PIGX: variants seen among roughly 807,000 people sequenced by gnomAD.
PIGX encodes phosphatidylinositol glycan anchor biosynthesis class X, also known as GPI alpha-1,4-mannosyltransferase I, stabilizing subunit.
Under a neutral mutation model 28.7 loss-of-function variants are expected in PIGX, and 24 were observed. The observed-to-expected ratio is 0.84, with a 90% CI of 0.60 to 1.17. PIGX has a LOEUF of 1.17. PIGX is among the 50% of genes most tolerant of loss of function. The pLI is 0.00. For synonymous variants in PIGX, 127 were observed against 121.0 expected, an observed-to-expected ratio of 1.05 and a Z score of -0.33; for missense variants, 305 against 317.8, an observed-to-expected ratio of 0.96 and a Z score of 0.31.
chr3:196,732,934 G>A (rs1712872153), intron 5 of PIGX, among the ~76,000 whole-genome samples: 1 of 152,154 alleles, frequency 6.6e-6, no homozygotes, highest in Non-Finnish European at 1.5e-5. Context: ...CATAGTAAAG[G>A]CCACATCCAG....
Position 196,734,734 on chromosome 3 carries a change from T to C in PIGX, c.*832T>C, listed in dbSNP as rs541104461. ...AAAATTATTGATAATCTTAAATTAT[T>C]GATTATTCCTTAACGCACTCCATTC... is the stretch of plus-strand genomic sequence containing the variant. On this transcript the variant is annotated 3_prime_UTR_variant, in exon 6 of 6. Coordinates refer to ENST00000392391, the MANE Select transcript of PIGX (RefSeq NM_017861.4). 3 of 152,312 alleles carry C rather than the reference T, an allele frequency of 2.0e-5. No homozygotes were observed. Among genetic ancestry groups the C allele is most frequent in the African/African-American group, 7.2e-5 (3 of 41,560 alleles). The allele number at this position is 152,312 out of a possible 1,614,324, so 9.4% of individuals were successfully genotyped here.
In PIGX at chr3:196,722,464, A is replaced by C. The variant is rs1577673955; in HGVS notation, c.226A>C (p.Thr76Pro). 1 of 1,612,296 alleles carries C rather than the reference A, an allele frequency of 6.2e-7. No individual in the cohort carries two copies. Among genetic ancestry groups the C allele is most frequent in the Non-Finnish European group, 8.5e-7 (1 of 1,178,348 alleles). Residue 76 changes from threonine (T) to proline (P), a missense_variant, in exon 3 of 6, where the codon ACC (threonine) becomes CCC (proline). Thr to Pro is a conservative substitution (Grantham distance 38). Coordinates refer to ENST00000392391, the MANE Select transcript of PIGX (RefSeq NM_017861.4). ...TGGGGAAAGCATTGAGGACTTGCAC[A>C]CCTGCCGTCTCTTAATTAAACAGGA...
At chr3:196,715,472 A>G (rs1370396281) in intron 1 of PIGX, among the ~76,000 whole-genome samples, 1 of 152,212 alleles carries the variant, frequency 6.6e-6, no homozygotes, top group Non-Finnish European at 1.5e-5. Context: ...GAAAGTTAAA[A>G]CACATATGAA....
intron 2 of PIGX, among the ~76,000 whole-genome samples, chr3:196,720,819 A>T (rs6796934): frequency 0.031 from 4,692 of 151,952 alleles, 167 homozygotes; most frequent in Admixed American, 0.096. Context: ...GCAGTGACAA[A>T]TTCTCTTAGT....
At position 196,734,051 on chromosome 3, in the gene PIGX, A is replaced by G; in HGVS notation, c.*149A>G. The G allele has an allele frequency of 1.7e-6, 1 of 595,406 alleles. No individual in the cohort carries two copies. Among genetic ancestry groups the G allele is most frequent in the East Asian group, 2.8e-5 (1 of 35,952 alleles). The allele number at this position is 595,406 out of a possible 1,614,324, so 36.9% of individuals were successfully genotyped here. On this transcript the variant is annotated 3_prime_UTR_variant, in exon 6 of 6. Coordinates refer to ENST00000392391, the MANE Select transcript of PIGX (RefSeq NM_017861.4). ...CTAGAGGAAATTTGGGATCATTCTC[A>G]GCTAATTCCAAAATGTAGTGCTCTA...
rs1249297647 is a variant in PIGX at position 196,732,241 on chromosome 3, TATA to T, written c.633+1150_633+1152del. Among the ~76,000 whole-genome samples, 55 of 64,816 alleles carry T rather than the reference TATA, an allele frequency of 8.5e-4. 11 individuals carry two copies. The highest frequency in any genetic ancestry group is 3.3e-3 in the African/African-American group (50 of 14,926). 42.5% of individuals were successfully genotyped at this position (64,816 alleles called of 152,430 possible). Reference sequence around the variant, plus strand: ...TTATATATATATATATATATATATATATATATATATATATATTTTATTTTATTT... The same window carrying T: ...TTATATATATATATATATATATATATTATATATATATATTTTATTTTATTT... On this transcript the variant is annotated intron_variant, in intron 5 of 5. Coordinates refer to ENST00000392391, the MANE Select transcript of PIGX (RefSeq NM_017861.4).
At position 196,716,848 on chromosome 3, in the gene PIGX, G is replaced by C; in HGVS notation, c.113-10G>C. 1 of 1,536,140 alleles carries C rather than the reference G, an allele frequency of 6.5e-7. No individual in the cohort carries two copies. Among genetic ancestry groups the C allele is most frequent in the East Asian group, 2.3e-5 (1 of 43,146 alleles). On this transcript the variant is annotated splice_polypyrimidine_tract_variant and intron_variant, in intron 1 of 5. Coordinates refer to ENST00000392391, the MANE Select transcript of PIGX (RefSeq NM_017861.4). ...TTTGTTTTTAAAAAAAAATCGTTTG[G>C]TTCTTATAGGCATAAGGGCCATGTG...
At chr3:196,732,216 T>TATATATATATA (rs1553797075) in intron 5 of PIGX, among the ~76,000 whole-genome samples, 2 of 51,378 alleles carry the variant, frequency 3.9e-5, no homozygotes, top group African/African-American at 9.1e-5. Context: ...TATATATTAT[T>TATATATATATA]TATATATATA....
intron 4 of PIGX, 103 bp downstream of exon 4, chr3:196,728,239 C>T: frequency 1.2e-6 from 1 of 806,240 alleles, no homozygotes; most frequent in Non-Finnish European, 2.1e-6. Context: ...ATGTCTTGAC[C>T]TAGGTGGTAG....
intron 5 of PIGX, among the ~76,000 whole-genome samples, chr3:196,732,266 ATTTTATT>A (rs1560080792): frequency 2.4e-5 from 1 of 40,906 alleles, no homozygotes; most frequent in Non-Finnish European, 4.3e-5. Context: ...ATTTTATTTT[ATTTTATT>A]TTTTTTTTTA....
At chr3:196,717,076 G>C (rs35314545) in intron 2 of PIGX, among the ~76,000 whole-genome samples, 155 bp downstream of exon 2, 1 of 151,868 alleles carries the variant, frequency 6.6e-6, no homozygotes, top group African/African-American at 2.4e-5. Flanking sequence ...CGAGGCAGGC[G>C]GATCACAAGG....
intron 2 of PIGX, among the ~76,000 whole-genome samples, chr3:196,719,304 T>C (rs1217282544): frequency 6.6e-6 from 1 of 152,120 alleles, no homozygotes; most frequent in East Asian, 1.9e-4. Context: ...TCTTGCCTTA[T>C]TTTGGGTAAA....
At chr3:196,732,216 TTATATATA>T (rs1175656364) in intron 5 of PIGX, among the ~76,000 whole-genome samples, 744 of 51,314 alleles carry the variant, frequency 0.014, 26 homozygotes, top group East Asian at 0.024. Context: ...TATATATTAT[TTATATATA>T]TATATATATA....
chr3:196,721,932 G>C (rs1712342241), intron 2 of PIGX, among the ~76,000 whole-genome samples: 1 of 151,876 alleles, frequency 6.6e-6, no homozygotes, highest in Non-Finnish European at 1.5e-5. Context: ...TTGTATTTTT[G>C]GTAGAGACTA....
chr3:196,728,591 C>G, intron 4 of PIGX: 1 of 732,620 alleles, frequency 1.4e-6, no homozygotes, highest in Middle Eastern at 2.3e-4. Flanking sequence ...CTTTCTTCAA[C>G]ACTGATCTGT....
chr3:196,731,264 G>T (rs1227717991), intron 5 of PIGX, among the ~76,000 whole-genome samples, 172 bp downstream of exon 5: 1 of 151,094 alleles, frequency 6.6e-6, no homozygotes, highest in African/African-American at 2.4e-5. Context: ...TGCAGCCTCC[G>T]CCTACCAGGT....
chr3:196,716,887 T>C lies in PIGX; in HGVS notation c.142T>C (p.Leu48=), dbSNP rs1712118666. 2 of 1,608,538 alleles carry C rather than the reference T, an allele frequency of 1.2e-6. No individual in the cohort carries two copies. The highest frequency in any genetic ancestry group is 1.1e-5 in the South Asian group (1 of 90,888). The change falls in exon 2 of 6, where the codon TTG becomes CTG. Residue 48 remains leucine (L), a synonymous_variant. Transcript: ENST00000392391. ...AAGGGCCATGTGTTCTGAAATTATT[T>C]TGAGGCAAGAAGTTTTGAAAGATGG... is the stretch of plus-strand genomic sequence containing the variant.
intron 2 of PIGX, among the ~76,000 whole-genome samples, chr3:196,717,132 C>G (rs1712130020): frequency 6.6e-6 from 1 of 151,896 alleles, no homozygotes; most frequent in South Asian, 2.1e-4. Flanking sequence ...AACGCTGTCT[C>G]TACTAAAAAT....
chr3:196,727,840 G>A (rs1304111369), intron 3 of PIGX, 83 bp from the exon 4 acceptor site: 9 of 921,794 alleles, frequency 9.8e-6, no homozygotes, highest in African/African-American at 1.7e-5. Context: ...CTGTGTATCT[G>A]TATATAGTCT....
Sources: allele counts gnomAD v4.1 joint callset (sites outside exome capture counted in the v4.1 genomes callset), GRCh38; gene constraint gnomAD v4.1.1; transcripts MANE v1.5; gene names NCBI Gene and HGNC (gene_info 2026-07-23, HGNC 2026-07-21).